The following ALX4 variants were observed in gnomAD, a reference collection of about 807,000 sequenced individuals.
ALX4 encodes the protein ALX homeobox 4, also known as homeobox protein aristaless-like 4.
Under a neutral mutation model 40.6 loss-of-function variants are expected in ALX4, and 22 were observed. The ratio of observed to expected loss-of-function variants is 0.54; its 90% CI spans 0.39 to 0.77. The LOEUF is 0.77. Among genes scored for constraint, ALX4 ranks in the 30% least tolerant of loss-of-function variants. The pLI is 0.00. For synonymous variants in ALX4, 266 were observed against 240.5 expected, an observed-to-expected ratio of 1.11 and a Z score of -0.98; for missense variants, 556 against 564.8, an observed-to-expected ratio of 0.98 and a Z score of 0.16.
chr11:44,308,650 T>C (rs1956483841), intron 1 of ALX4, among the ~76,000 whole-genome samples: 1 of 152,226 alleles, frequency 6.6e-6, no homozygotes, highest in East Asian at 1.9e-4. Flanking sequence ...CGGGCAATGG[T>C]GGCTGTGCTC....
Position 44,281,029 on chromosome 11 carries a change from T to A in ALX4, c.467-5371A>T, listed in dbSNP as rs557027845. 8.3e-4 allele frequency among the ~76,000 whole-genome samples: 127 copies of A among 152,294 alleles called. 1 individual carries two copies. The highest frequency in any genetic ancestry group is 3.4e-3 in the Middle Eastern group (1 of 294). ...ACCCATCTGTCCTGGTTCAACCCAA[T>A]GGCATCACTCTAATCTAGTTTTACC... On this transcript the variant is annotated intron_variant, in intron 1 of 3. Transcript: ENST00000652299.
In ALX4 at chr11:44,275,578, T is replaced by G. The variant is rs368396709; in HGVS notation, c.547A>C (p.Lys183Gln). Residue 183 changes from lysine (K) to glutamine (Q), a missense_variant, in exon 2 of 4, where the codon AAG (lysine) becomes CAG (glutamine). Coordinates refer to ENST00000652299, the MANE Select transcript of ALX4 (RefSeq NM_021926.4). ...VGMDSSYLSVKEAGVKGPQDR... is the reference protein window; with the variant it reads ...VGMDSSYLSVQEAGVKGPQDR... ...TGGGGCCCCTTCACCCCAGCCTCCT[T>G]GACACTCAGGTAGCTGCTGTCCATC... 1.2e-6 allele frequency: 2 copies of G among 1,614,010 alleles called. No individual in the cohort carries two copies. The highest frequency in any genetic ancestry group is 3.3e-5 in the Admixed American group (2 of 60,004).
intron 2 of ALX4, among the ~76,000 whole-genome samples, chr11:44,271,627 C>T (rs1956247851): frequency 6.6e-6 from 1 of 152,110 alleles, no homozygotes; most frequent in Non-Finnish European, 1.5e-5. Context: ...TGCCATTGTT[C>T]TTGTTTTTAG....
chr11:44,291,740 T>C (rs574006988), intron 1 of ALX4, among the ~76,000 whole-genome samples: 2 of 152,304 alleles, frequency 1.3e-5, no homozygotes, highest in East Asian at 3.9e-4. Flanking sequence ...AGAAGCAGCA[T>C]ATGATCCCAG....
rs112719868 is a variant in ALX4, at chr11:44,278,267, G to T, written c.467-2609C>A. On this transcript the variant is annotated intron_variant, in intron 1 of 3. Transcript: ENST00000652299. ...CTGAACTCCTAGTTTTAACTGGGGGGAAACTGAGGCCAGAGAGAGAAGGGA... is the reference window on the plus strand; with the variant it reads ...CTGAACTCCTAGTTTTAACTGGGGGTAAACTGAGGCCAGAGAGAGAAGGGA... Among the ~76,000 whole-genome samples, 18 of 152,244 alleles carry T rather than the reference G, an allele frequency of 1.2e-4. 1 individual carries two copies. The highest frequency in any genetic ancestry group is 1.0e-3 in the Admixed American group (16 of 15,302).
chr11:44,267,758 A>G, intron 2 of ALX4, 136 bp from the exon 3 acceptor site: 8 of 1,214,260 alleles, frequency 6.6e-6, no homozygotes, highest in Non-Finnish European at 9.6e-6. Context: ...CCACACATAA[A>G]TATCAACCTT....
At chr11:44,300,176 G>T (rs1439111135) in intron 1 of ALX4, among the ~76,000 whole-genome samples, 3 of 151,972 alleles carry the variant, frequency 2.0e-5, no homozygotes, top group African/African-American at 7.3e-5. Flanking sequence ...AGAGTGTGGG[G>T]TCCTGAGGCA....
At chr11:44,299,447 G>A (rs969285554) in intron 1 of ALX4, among the ~76,000 whole-genome samples, 5 of 139,468 alleles carry the variant, frequency 3.6e-5, no homozygotes, top group African/African-American at 8.0e-5. Context: ...TGCAAGCTCC[G>A]CCTCCCGGGT....
chr11:44,265,200 G>A lies in ALX4; in HGVS notation c.907-17C>T. On this transcript the variant is annotated splice_polypyrimidine_tract_variant and intron_variant, in intron 3 of 3. Transcript: ENST00000652299. ...GTTCTGAATCTGGGAGAGGAAGGGAGAGATGTCACCGGCTGGCGGGCAGGT... is the reference window on the plus strand; with the variant it reads ...GTTCTGAATCTGGGAGAGGAAGGGAAAGATGTCACCGGCTGGCGGGCAGGT... 6.3e-7 allele frequency: 1 copy of A among 1,589,496 alleles called. No homozygotes were observed. The highest frequency in any genetic ancestry group is 8.6e-7 in the Non-Finnish European group (1 of 1,166,422).
chr11:44,277,103 G>A (rs1956282576), intron 1 of ALX4, among the ~76,000 whole-genome samples: 2 of 152,306 alleles, frequency 1.3e-5, no homozygotes, highest in Middle Eastern at 3.4e-3. Context: ...TCTATAAAAT[G>A]GGGATGAAGA....
At chr11:44,291,616 G>A (rs1340597494) in intron 1 of ALX4, among the ~76,000 whole-genome samples, 3 of 151,946 alleles carry the variant, frequency 2.0e-5, no homozygotes, top group Non-Finnish European at 2.9e-5. Flanking sequence ...TTGTTGTCCC[G>A]GCTGGTCTTG....
At chr11:44,303,008 T>G (rs541095031) in intron 1 of ALX4, among the ~76,000 whole-genome samples, 1 of 151,740 alleles carries the variant, frequency 6.6e-6, no homozygotes, top group Admixed American at 6.6e-5. Flanking sequence ...CATGGAGGAG[T>G]AGAGAATGCA....
chr11:44,275,137 C>T (rs1363881931), intron 2 of ALX4, among the ~76,000 whole-genome samples: 1 of 152,126 alleles, frequency 6.6e-6, no homozygotes, highest in Non-Finnish European at 1.5e-5. Flanking sequence ...AGTGCAGAAG[C>T]CCAATATTAA....
chr11:44,284,028 A>G (rs1956324634), intron 1 of ALX4, among the ~76,000 whole-genome samples: 1 of 152,214 alleles, frequency 6.6e-6, no homozygotes, highest in South Asian at 2.1e-4. Flanking sequence ...CATTTGATGA[A>G]CAAATGAATG....
At chr11:44,275,270 A>C (rs1956270806) in intron 2 of ALX4, 78 bp downstream of exon 2, 1 of 1,466,160 alleles carries the variant, frequency 6.8e-7, no homozygotes, top group African/African-American at 1.4e-5. Flanking sequence ...GTGGGCAGTC[A>C]GGAGACCCCA....
intron 2 of ALX4, among the ~76,000 whole-genome samples, chr11:44,268,665 C>T (rs972647812): frequency 6.6e-6 from 1 of 152,192 alleles, no homozygotes; most frequent in African/African-American, 2.4e-5. Context: ...AGCTGCCCTA[C>T]CCCTGGCCCA....
rs1956273886 is a variant in ALX4 at position 44,275,676 on chromosome 11, A to G, written c.467-18T>C. ...CTCTTTAGCTGAGGGAGGAGGAAACAAAGTCAGAAACCAATGGTTGAACCA... is the reference window on the plus strand; with the variant it reads ...CTCTTTAGCTGAGGGAGGAGGAAACGAAGTCAGAAACCAATGGTTGAACCA... On this transcript the variant is annotated intron_variant, in intron 1 of 3. Transcript: ENST00000652299. 6.2e-7 allele frequency: 1 copy of G among 1,610,374 alleles called. No homozygotes were observed. Among genetic ancestry groups the G allele is most frequent in the African/African-American group, 1.3e-5 (1 of 74,836 alleles).
chr11:44,281,970 C>G (rs940451072), intron 1 of ALX4, among the ~76,000 whole-genome samples: 1 of 152,160 alleles, frequency 6.6e-6, no homozygotes, highest in African/African-American at 2.4e-5. Context: ...GGCCATCCTG[C>G]TCACCCACAG....
At chr11:44,287,443 G>A (rs1565005363) in intron 1 of ALX4, among the ~76,000 whole-genome samples, 4 of 151,880 alleles carry the variant, frequency 2.6e-5, no homozygotes, top group Admixed American at 2.0e-4. Flanking sequence ...GGCCAGAGGG[G>A]GTAAATGCCT....
Sources: allele counts gnomAD v4.1 joint callset (sites outside exome capture counted in the v4.1 genomes callset), GRCh38; gene constraint gnomAD v4.1.1; transcripts MANE v1.5; gene names NCBI Gene and HGNC (gene_info 2026-07-23, HGNC 2026-07-21).